FAT3: variants seen among roughly 807,000 people sequenced by gnomAD.
The protein encoded by FAT3 is FAT atypical cadherin 3, also known as protocadherin Fat 3.
A neutral mutation model predicts 310.2 loss-of-function variants in FAT3; 95 were observed. The ratio of observed to expected loss-of-function variants is 0.31; its 90% CI spans 0.26 to 0.36. The LOEUF is 0.36. FAT3 is among the 10% of genes least tolerant of loss of function. The pLI is 1.00. For missense variants in FAT3, 5,408 were observed against 5,715.6 expected, an observed-to-expected ratio of 0.95 and a Z score of 1.74; for synonymous variants, 2,314 against 2,192.9, an observed-to-expected ratio of 1.06 and a Z score of -1.54.
intron 4 of FAT3, among the ~76,000 whole-genome samples, chr11:92,717,617 GA>G (rs1232886122): frequency 6.6e-6 from 1 of 152,180 alleles, no homozygotes; most frequent in Non-Finnish European, 1.5e-5. Context: ...ATATATGGAA[GA>G]TTTTTTTCAA....
intron 3 of FAT3, among the ~76,000 whole-genome samples, chr11:92,688,703 G>A (rs963865182): frequency 3.9e-5 from 6 of 152,090 alleles, no homozygotes; most frequent in African/African-American, 1.4e-4. Context: ...ATCTAGGTCT[G>A]GGGGGAGCCT....
chr11:92,821,267 T>A (rs1947962109), intron 13 of FAT3, among the ~76,000 whole-genome samples: 1 of 152,226 alleles, frequency 6.6e-6, no homozygotes, highest in Admixed American at 6.5e-5. Context: ...AAGGAGATTA[T>A]CATCACTTCA....
intron 2 of FAT3, among the ~76,000 whole-genome samples, chr11:92,475,491 G>C (rs1438881821): frequency 6.6e-6 from 1 of 151,952 alleles, no homozygotes; most frequent in East Asian, 1.9e-4. Flanking sequence ...TACATATGCT[G>C]TGAAAAGCTG....
At chr11:92,249,322 C>T (rs1016026405) in intron 1 of FAT3, among the ~76,000 whole-genome samples, 2 of 151,968 alleles carry the variant, frequency 1.3e-5, no homozygotes, top group Non-Finnish European at 2.9e-5. Flanking sequence ...AGACTCACCA[C>T]CTGTGACTTA....
At chr11:92,707,931 C>A (rs754430847) in intron 4 of FAT3, among the ~76,000 whole-genome samples, 2 of 152,160 alleles carry the variant, frequency 1.3e-5, no homozygotes, top group African/African-American at 2.4e-5. Flanking sequence ...TATTAATAAT[C>A]AGGAAAAACT....
intron 21 of FAT3, among the ~76,000 whole-genome samples, chr11:92,865,866 C>T (rs1051688141): frequency 6.6e-6 from 1 of 152,202 alleles, no homozygotes; most frequent in African/African-American, 2.4e-5. Context: ...GCCTCCCGGG[C>T]GCAGTGATGC....
intron 19 of FAT3, among the ~76,000 whole-genome samples, chr11:92,855,476 T>C (rs1356850853): frequency 1.3e-5 from 2 of 152,230 alleles, no homozygotes; most frequent in African/African-American, 4.8e-5. Flanking sequence ...AAAGGAGGCA[T>C]CATATCCTTT....
At chr11:92,827,402 A>C (rs1179053528) in intron 13 of FAT3, among the ~76,000 whole-genome samples, 1 of 152,194 alleles carries the variant, frequency 6.6e-6, no homozygotes, top group Admixed American at 6.5e-5. Flanking sequence ...GAAAGGAGTC[A>C]TAGTGCTGGA....
rs1423425083 is a variant in FAT3, at chr11:92,883,146, C to A, written c.12690C>A (p.Val4230=). ...NVYQEVGPPQ[V]PVRPMAYTPC... ...ACCAGGAGGTGGGGCCCCCGCAGGTCCCCGTGCGCCCCATGGCCTACACAC... is the reference window on the plus strand; with the variant it reads ...ACCAGGAGGTGGGGCCCCCGCAGGTACCCGTGCGCCCCATGGCCTACACAC... Residue 4230 remains valine (V), a synonymous_variant, in exon 24 of 28, where the codon GTC becomes GTA. Transcript: ENST00000525166. This position sits in a 1 kb window ranked among gnomAD's most constrained non-coding sequence, Gnocchi z 4.2. 3.1e-6 allele frequency: 5 copies of A among 1,613,582 alleles called. No homozygotes were observed. Among genetic ancestry groups the A allele is most frequent in the Non-Finnish European group, 4.2e-6 (5 of 1,179,838 alleles).
chr11:92,619,008 A>C (rs1940956068), intron 3 of FAT3, among the ~76,000 whole-genome samples: 1 of 152,174 alleles, frequency 6.6e-6, no homozygotes, highest in Non-Finnish European at 1.5e-5. Context: ...AAGTTGAGAA[A>C]GTTCTCTTCT....
At chr11:92,560,768 G>A in intron 3 of FAT3, among the ~76,000 whole-genome samples, 1 of 152,126 alleles carries the variant, frequency 6.6e-6, no homozygotes, top group Non-Finnish European at 1.5e-5. Context: ...TGTAGGTGCT[G>A]GCAGATCTCT....
intron 4 of FAT3, among the ~76,000 whole-genome samples, chr11:92,745,832 G>A (rs1284615538): frequency 2.0e-5 from 3 of 152,206 alleles, no homozygotes; most frequent in Non-Finnish European, 4.4e-5. Context: ...TATTTGTTGA[G>A]AACCAACTAT....
intron 1 of FAT3, among the ~76,000 whole-genome samples, chr11:92,249,092 T>C: frequency 6.6e-6 from 1 of 151,390 alleles, no homozygotes; most frequent in Admixed American, 6.6e-5. Context: ...AGGGTAAATT[T>C]TAAGGTTGGG....
chr11:92,424,174 T>C (rs1193870520), intron 2 of FAT3, among the ~76,000 whole-genome samples: 1 of 152,174 alleles, frequency 6.6e-6, no homozygotes, highest in Non-Finnish European at 1.5e-5. Context: ...CTTTCATTCA[T>C]AGTAATAGCT....
At chr11:92,433,659 A>T (rs1168003819) in intron 2 of FAT3, among the ~76,000 whole-genome samples, 1 of 152,126 alleles carries the variant, frequency 6.6e-6, no homozygotes, top group Non-Finnish European at 1.5e-5. Context: ...GGAGCTGCAG[A>T]CCAGAGCTGT....
chr11:92,451,543 G>A (rs1951351983), intron 2 of FAT3, among the ~76,000 whole-genome samples: 1 of 152,182 alleles, frequency 6.6e-6, no homozygotes, highest in Admixed American at 6.5e-5. Flanking sequence ...CATTAAGGGA[G>A]GAAAGACACA....
Position 92,883,289 on chromosome 11 carries a change from G to A in FAT3, c.12833G>A (p.Arg4278Gln), listed in dbSNP as rs1949718665. ...TCGCCCCGCATCCTGACAGCCCGGC[G>A]GGGCGTGGTCGTGTGCAGTGTGGCC... Reference protein sequence around the residue: ...PESPRILTARRGVVVCSVAPN... With the variant: ...PESPRILTARQGVVVCSVAPN... Residue 4278 changes from arginine (R) to glutamine (Q), a missense_variant, in exon 24 of 28, where the codon CGG (arginine) becomes CAG (glutamine). Arg to Gln is a conservative substitution (Grantham distance 43). Coordinates refer to ENST00000525166, the MANE Select transcript of FAT3 (RefSeq NM_001367949.2). This position sits in a 1 kb window ranked among gnomAD's most constrained non-coding sequence, Gnocchi z 4.2. 1.2e-6 allele frequency: 2 copies of A among 1,612,606 alleles called. No homozygotes were observed. The highest frequency in any genetic ancestry group is 8.5e-7 in the Non-Finnish European group (1 of 1,179,856).
At chr11:92,693,758 C>A (rs754407209) in intron 3 of FAT3, among the ~76,000 whole-genome samples, 1 of 152,056 alleles carries the variant, frequency 6.6e-6, no homozygotes, top group East Asian at 1.9e-4. Flanking sequence ...TTTATTTTAT[C>A]AAGATTTTGA....
intron 7 of FAT3, among the ~76,000 whole-genome samples, chr11:92,787,618 A>G (rs1946927416): frequency 6.6e-6 from 1 of 151,312 alleles, no homozygotes; most frequent in African/African-American, 2.4e-5. Context: ...TTAAATTGCA[A>G]TTATGCTATA....
Sources: gnomAD v4.1 joint callset for allele counts (sites outside exome capture counted in the v4.1 genomes callset) on GRCh38, gnomAD v4.1.1 for gene constraint, Gnocchi (gnomAD v3.1) non-coding constraint, MANE v1.5 for transcripts, NCBI Gene and HGNC (gene_info 2026-07-23, HGNC 2026-07-21) for gene names.